ADGRL2: variants seen among roughly 807,000 people sequenced by gnomAD.
The protein encoded by ADGRL2 is calcium-independent alpha-latrotoxin receptor 2.
In ADGRL2, 44 loss-of-function variants were observed where a neutral mutation model predicts 157.4. That is an observed-to-expected ratio of 0.28 (90% CI 0.22 to 0.36). The LOEUF (loss-of-function observed/expected upper bound fraction) is 0.36, where lower values mean the gene tolerates loss of function less well. ADGRL2 is among the 10% of genes least tolerant of loss of function. ADGRL2 has a pLI of 1.00. For missense variants in ADGRL2, 1,510 were observed against 1,768.9 expected, an observed-to-expected ratio of 0.85 and a Z score of 2.63; for synonymous variants, 585 against 624.7, an observed-to-expected ratio of 0.94 and a Z score of 0.95.
intron 3 of ADGRL2, among the ~76,000 whole-genome samples, chr1:81,608,354 A>G (rs1445582949): frequency 1.3e-5 from 2 of 152,180 alleles, no homozygotes; most frequent in African/African-American, 2.4e-5. Flanking sequence ...CTCTCGCTCC[A>G]GAACCAGCTT....
Position 81,969,292 on chromosome 1 carries a change from C to G in ADGRL2, c.2638C>G (p.Gln880Glu). Residue 880 changes from glutamine to glutamate, a missense_variant, in exon 15 of 24, where the codon CAG (glutamine) becomes GAG (glutamate). Around this residue, in one of 4 missense-constraint regions of ADGRL2, gnomAD observed 497 missense variants for 627.2 expected, o/e 0.79. Transcript: ENST00000686636. ...IFTFCFFRGL[Q>E]SDRNTIHKNL... ...CACCTTCTGCTTTTTCCGTGGCCTA[C>G]AGAGTGACCGAAATACTATTCACAA... The G allele has an allele frequency of 1.8e-5, 29 of 1,613,966 alleles. No homozygotes were observed. Among genetic ancestry groups the G allele is most frequent in the Non-Finnish European group, 2.5e-5 (29 of 1,179,850 alleles).
At chr1:81,860,325 T>G in intron 2 of ADGRL2, among the ~76,000 whole-genome samples, 1 of 152,294 alleles carries the variant, frequency 6.6e-6, no homozygotes, top group South Asian at 2.1e-4. Flanking sequence ...AAAGACCTTT[T>G]ATTTTTATTT....
At chr1:81,544,420 T>A (rs1258323026) in intron 2 of ADGRL2, among the ~76,000 whole-genome samples, 1 of 152,224 alleles carries the variant, frequency 6.6e-6, no homozygotes, top group Admixed American at 6.5e-5. Context: ...TTTGTTATAG[T>A]TACTTATGTC....
Position 81,528,314 on chromosome 1 carries a change from A to G in ADGRL2, c.-247-52562A>G, listed in dbSNP as rs537183720. On this transcript the variant is annotated intron_variant, in intron 2 of 24. Coordinates refer to the ADGRL2 transcript ENST00000370721. The stretch of plus-strand genomic sequence containing the variant: ...CAAAATGAGTGATCCCATGAGTGCT[A>G]TAGGAATTAGATAGAAGGTAGCTGA... Among the ~76,000 whole-genome samples the G allele has an allele frequency of 2.0e-5, 3 of 152,306 alleles. No individual in the cohort carries two copies. In the South Asian group the frequency reaches 6.2e-4, roughly 32 times the overall value.
chr1:81,456,983 T>C (rs1221128373), intron 2 of ADGRL2, among the ~76,000 whole-genome samples: 1 of 152,158 alleles, frequency 6.6e-6, no homozygotes, highest in African/African-American at 2.4e-5. Context: ...TTACCTGAAC[T>C]GAAGCCCAAT....
intron 2 of ADGRL2, among the ~76,000 whole-genome samples, chr1:81,859,110 A>G (rs1466556496): frequency 6.6e-6 from 1 of 151,866 alleles, no homozygotes; most frequent in African/African-American, 2.4e-5. Flanking sequence ...TTAAAGATTG[A>G]AAATAATGGA....
intron 1 of ADGRL2, among the ~76,000 whole-genome samples, chr1:81,702,346 A>G (rs1038570654): frequency 6.6e-6 from 1 of 152,220 alleles, no homozygotes; most frequent in Non-Finnish European, 1.5e-5. Flanking sequence ...AAACTCTGCC[A>G]ATGTACATGT....
chr1:81,411,663 T>A (rs1297185381), intron 1 of ADGRL2, among the ~76,000 whole-genome samples: 1 of 152,044 alleles, frequency 6.6e-6, no homozygotes, highest in Non-Finnish European at 1.5e-5. Context: ...GAGGCTGAGG[T>A]GGGCGGATCA....
upstream of ADGRL2, among the ~76,000 whole-genome samples, chr1:81,699,350 C>A (rs2083511042): frequency 6.6e-6 from 1 of 152,196 alleles, no homozygotes; most frequent in African/African-American, 2.4e-5. Context: ...CACTGCAGCC[C>A]AATCCTGATT....
At chr1:81,813,646 A>T (rs910142167) in intron 1 of ADGRL2, among the ~76,000 whole-genome samples, 1 of 151,798 alleles carries the variant, frequency 6.6e-6, no homozygotes, top group African/African-American at 2.4e-5. Context: ...TTACAAAAGT[A>T]TACAAATGCT....
At chr1:81,553,387 C>A (rs2080197570) in intron 2 of ADGRL2, among the ~76,000 whole-genome samples, 1 of 152,082 alleles carries the variant, frequency 6.6e-6, no homozygotes, top group Admixed American at 6.5e-5. Context: ...TGCAGCTATG[C>A]AAAAATTTTT....
chr1:81,798,700 TGTCAAA>T (rs1163871953), upstream of ADGRL2, among the ~76,000 whole-genome samples: 1 of 152,152 alleles, frequency 6.6e-6, no homozygotes, highest in Non-Finnish European at 1.5e-5. Flanking sequence ...CATCAAAGAA[TGTCAAA>T]TATATCATGC....
intron 2 of ADGRL2, among the ~76,000 whole-genome samples, chr1:81,573,061 A>C (rs534955813): frequency 6.6e-6 from 1 of 152,070 alleles, no homozygotes; most frequent in South Asian, 2.1e-4. Flanking sequence ...GAAATATTAA[A>C]TAAATCCTTT....
intron 2 of ADGRL2, among the ~76,000 whole-genome samples, chr1:81,469,185 T>C (rs2101855392): frequency 6.6e-6 from 1 of 152,362 alleles, no homozygotes; most frequent in East Asian, 1.9e-4. Flanking sequence ...TCTTAGTGTT[T>C]ATCAGCAGTC....
In ADGRL2 at chr1:81,823,857, T is replaced by C. The variant is rs369918418; in HGVS notation, c.-100-13028T>C. 5.3e-5 allele frequency among the ~76,000 whole-genome samples: 8 copies of C among 152,202 alleles called. No homozygotes were observed. In the East Asian group the frequency reaches 1.4e-3, roughly 26 times the overall value. ...ATGACCCAAGAACATAAGAGCAAAT[T>C]AAATAATATTTAAAAAAGAAAACCA... On this transcript the variant is annotated intron_variant, in intron 1 of 23. Coordinates refer to ENST00000686636, the MANE Select transcript of ADGRL2 (RefSeq NM_001366006.2).
chr1:81,774,732 T>C (rs1363200307), intron 2 of ADGRL2, among the ~76,000 whole-genome samples: 1 of 152,130 alleles, frequency 6.6e-6, no homozygotes. Context: ...ATTACACTTT[T>C]TTGAAGTAAA....
At chr1:81,574,560 A>C (rs560220624) in intron 2 of ADGRL2, among the ~76,000 whole-genome samples, 38 of 152,256 alleles carry the variant, frequency 2.5e-4, no homozygotes, top group African/African-American at 8.7e-4. Flanking sequence ...AAAGTTCCCA[A>C]GTGGTCTTTA....
intron 1 of ADGRL2, among the ~76,000 whole-genome samples, chr1:81,345,064 A>T (rs1355837500): frequency 1.3e-5 from 2 of 152,322 alleles, no homozygotes; most frequent in African/African-American, 4.8e-5. Context: ...TTTATAATAA[A>T]TAATATTATA....
At chr1:81,929,618 C>A (rs907393201) in intron 3 of ADGRL2, among the ~76,000 whole-genome samples, 1 of 152,090 alleles carries the variant, frequency 6.6e-6, no homozygotes, top group Admixed American at 6.6e-5. Flanking sequence ...AGAGTAAAAG[C>A]AATTTGTTGG....
Sources: gnomAD v4.1 joint callset for allele counts (sites outside exome capture counted in the v4.1 genomes callset) on GRCh38, gnomAD v4.1.1 for gene constraint, gnomAD v4.1.1 regional missense constraint, MANE v1.5 for transcripts, NCBI Gene and HGNC (gene_info 2026-07-23, HGNC 2026-07-21) for gene names.